The following MCMDC2 variants were observed in gnomAD, a reference collection of about 807,000 sequenced individuals.
The protein encoded by MCMDC2 is minichromosome maintenance domain containing 2.
In MCMDC2, 54 loss-of-function variants were observed where a neutral mutation model predicts 75.8. That is an observed-to-expected ratio of 0.71 (90% CI 0.57 to 0.89). The LOEUF (loss-of-function observed/expected upper bound fraction) is 0.89. Among genes scored for constraint, MCMDC2 ranks in the 40% least tolerant of loss-of-function variants. The probability of loss-of-function intolerance (pLI) is 0.00; values close to 1 mark genes in which losing one functional copy is unlikely to be tolerated. For missense variants in MCMDC2, 656 were observed against 780.4 expected, an observed-to-expected ratio of 0.84 and a Z score of 1.90; for synonymous variants, 249 against 274.6, an observed-to-expected ratio of 0.91 and a Z score of 0.92.
intron 5 of MCMDC2, among the ~76,000 whole-genome samples, 182 bp downstream of exon 5, chr8:66,877,726 A>G (rs1380079496): frequency 2.0e-4 from 31 of 152,026 alleles, no homozygotes; most frequent in Admixed American, 2.0e-3. Context: ...TTAGCCCAGC[A>G]TGGTGGCACA....
chr8:66,884,003 G>A lies in MCMDC2; in HGVS notation c.1073+9G>A, dbSNP rs1281869297. The A allele has an allele frequency of 2.6e-6, 4 of 1,552,314 alleles. No homozygotes were observed. Among genetic ancestry groups the A allele is most frequent in the African/African-American group, 2.7e-5 (2 of 73,650 alleles). On this transcript the variant is annotated intron_variant, in intron 9 of 14. Transcript: ENST00000422365. ...ACTCTACTCATAGACAGGTATATAT[G>A]TGACATGAATTTTTACAAATATTAA...
intron 12 of MCMDC2, among the ~76,000 whole-genome samples, chr8:66,897,735 A>G (rs559777704): frequency 6.6e-6 from 1 of 152,346 alleles, no homozygotes; most frequent in South Asian, 2.1e-4. Flanking sequence ...TTACCCTGAC[A>G]TTATCAAAAC....
At chr8:66,911,633 G>A (rs1813125933) in intron 14 of MCMDC2, among the ~76,000 whole-genome samples, 1 of 152,090 alleles carries the variant, frequency 6.6e-6, no homozygotes, top group Non-Finnish European at 1.5e-5. Flanking sequence ...AGACCAGCCT[G>A]GCCAAGATGA....
intron 10 of MCMDC2, among the ~76,000 whole-genome samples, chr8:66,894,208 T>G: frequency 6.6e-6 from 1 of 152,224 alleles, no homozygotes; most frequent in East Asian, 1.9e-4. Context: ...CATTTTCAAC[T>G]GAGTAAGAGG....
At chr8:66,895,015 T>G (rs1812281287) in intron 10 of MCMDC2, among the ~76,000 whole-genome samples, 1 of 152,190 alleles carries the variant, frequency 6.6e-6, no homozygotes, top group Non-Finnish European at 1.5e-5. Flanking sequence ...CTCAGTATTC[T>G]CCAGGGGTTG....
chr8:66,926,019 C>T (rs1327350054), downstream of MCMDC2, among the ~76,000 whole-genome samples: 2 of 152,008 alleles, frequency 1.3e-5, no homozygotes, highest in African/African-American at 4.8e-5. Flanking sequence ...TGTGGTGACG[C>T]GTGCCTGTAG....
rs939766168 is a variant in MCMDC2, at chr8:66,889,754, C to A, written c.1074-1111C>A. ...GTGGAGGTTGGAAGCTGAGATTGCT[C>A]CATTGCACTCCAGCCTAGTGACAGG... On this transcript the variant is annotated intron_variant, in intron 9 of 14. Transcript: ENST00000422365. Among the ~76,000 whole-genome samples the A allele has an allele frequency of 2.0e-5, 3 of 152,268 alleles. No homozygotes were observed. The East Asian group carries it at 5.8e-4, about 29-fold the overall frequency.
At chr8:66,909,167 G>A (rs1813013516) in intron 14 of MCMDC2, among the ~76,000 whole-genome samples, 1 of 152,124 alleles carries the variant, frequency 6.6e-6, no homozygotes, top group South Asian at 2.1e-4. Flanking sequence ...GAAAGAAGGT[G>A]CCTTGCTTCC....
At chr8:66,896,369 T>G (rs1812352816) in intron 11 of MCMDC2, 33 bp downstream of exon 11, 1 of 1,531,794 alleles carries the variant, frequency 6.5e-7, no homozygotes, top group Non-Finnish European at 8.7e-7. Context: ...TGTTAGAATG[T>G]TGTTCAAGGA....
At chr8:66,907,148 G>A (rs1373987015) in intron 14 of MCMDC2, among the ~76,000 whole-genome samples, 2 of 152,042 alleles carry the variant, frequency 1.3e-5, no homozygotes, top group South Asian at 2.1e-4. Context: ...GTGCCATGGC[G>A]GTTTGCTGCA....
chr8:66,878,487 T>G, intron 5 of MCMDC2, 87 bp from the exon 6 acceptor site: 1 of 1,289,772 alleles, frequency 7.8e-7, no homozygotes, highest in Non-Finnish European at 1.0e-6. Flanking sequence ...AATATAAAAT[T>G]AAAAATTAAA....
intron 14 of MCMDC2, among the ~76,000 whole-genome samples, chr8:66,906,300 G>A (rs968118054): frequency 6.6e-6 from 1 of 152,160 alleles, no homozygotes; most frequent in African/African-American, 2.4e-5. Flanking sequence ...ATTAACACTA[G>A]CTTTCCTGTG....
chr8:66,920,337 C>T lies in MCMDC2; in HGVS notation c.*1168C>T, dbSNP rs1334940584. On this transcript the variant is annotated 3_prime_UTR_variant, in exon 15 of 15. Coordinates refer to ENST00000422365, the MANE Select transcript of MCMDC2 (RefSeq NM_173518.5). ...CACTGCAACCTCCACCTCCCGGGTT[C>T]AAGTGATTCTCCTGCTGGGATTACA... is the stretch of plus-strand genomic sequence containing the variant. The T allele has an allele frequency of 6.6e-6, 1 of 152,290 alleles. No homozygotes were observed. 9.4% of individuals were successfully genotyped at this position (152,290 alleles called of 1,614,324 possible).
At position 66,921,450 on chromosome 8, in the gene MCMDC2, C is replaced by A. The variant is rs542071134; in HGVS notation, c.*2281C>A. ...ACCATTTATCATATAAAAATTATAA[C>A]CTTGGTAAAAGGAATTTATAAGCTA... is the stretch of plus-strand genomic sequence containing the variant. On this transcript the variant is annotated 3_prime_UTR_variant, in exon 15 of 15. Transcript: ENST00000422365. 1.2e-4 allele frequency: 19 copies of A among 152,088 alleles called. No individual in the cohort carries two copies. The highest frequency in any genetic ancestry group is 2.5e-4 in the Non-Finnish European group (17 of 68,014). The allele number at this position is 152,088 out of a possible 1,614,324, so 9.4% of individuals were successfully genotyped here.
chr8:66,909,515 G>A (rs1027844257), intron 14 of MCMDC2, among the ~76,000 whole-genome samples: 11 of 152,280 alleles, frequency 7.2e-5, no homozygotes, highest in South Asian at 2.1e-4. Context: ...TATGGACAAT[G>A]AAGTCCAGGC....
chr8:66,874,021 A>G (rs1811150791), intron 1 of MCMDC2, 32 bp from the exon 2 acceptor site: 4 of 674,412 alleles, frequency 5.9e-6, no homozygotes, highest in Middle Eastern at 4.6e-4. Context: ...CTTATTAGAG[A>G]TTTTCAAAAA....
chr8:66,906,004 C>CAAAA (rs1216287591), intron 14 of MCMDC2, among the ~76,000 whole-genome samples: 3 of 71,360 alleles, frequency 4.2e-5, no homozygotes, highest in Non-Finnish European at 2.9e-5. Context: ...GACTCCATCT[C>CAAAA]AAAAAAAAAA....
At position 66,883,870 on chromosome 8, in the gene MCMDC2, G is replaced by A; in HGVS notation, c.949G>A (p.Gly317Arg). Residue 317 changes from glycine to arginine, a missense_variant, in exon 9 of 15, where the codon GGG becomes AGG. Coordinates refer to ENST00000422365, the MANE Select transcript of MCMDC2 (RefSeq NM_173518.5). Reference protein sequence around the residue: ...NIFASQITPPGTYNLLKLCLL... With the variant: ...NIFASQITPPRTYNLLKLCLL... Reference sequence around the variant, plus strand: ...CTTTGCATCACAAATTACCCCTCCTGGGACTTACAATTTGCTCAAGCTCTG... The same window carrying A: ...CTTTGCATCACAAATTACCCCTCCTAGGACTTACAATTTGCTCAAGCTCTG... The A allele has an allele frequency of 6.2e-7, 1 of 1,613,898 alleles. No individual in the cohort carries two copies. The highest frequency in any genetic ancestry group is 8.5e-7 in the Non-Finnish European group (1 of 1,179,930).
chr8:66,914,406 T>C (rs1813231817), intron 14 of MCMDC2, among the ~76,000 whole-genome samples: 2 of 151,882 alleles, frequency 1.3e-5, no homozygotes, highest in Admixed American at 1.3e-4. Context: ...TTACTTTGGA[T>C]TTTAGGGAGA....
Sources: allele counts gnomAD v4.1 joint callset (sites outside exome capture counted in the v4.1 genomes callset), GRCh38; gene constraint gnomAD v4.1.1; transcripts MANE v1.5; gene names NCBI Gene and HGNC (gene_info 2026-07-23, HGNC 2026-07-21).